Variants in DPP6 observed in about 807,000 individuals in gnomAD.
The protein encoded by DPP6 is A-type potassium channel modulatory protein DPP6.
DPP6 carries 69 observed loss-of-function variants against 122.6 expected under a neutral mutation model. The ratio of observed to expected loss-of-function variants is 0.56; its 90% CI spans 0.46 to 0.69. The LOEUF is 0.69. Among genes scored for constraint, DPP6 ranks in the 30% least tolerant of loss-of-function variants. DPP6 has a pLI of 0.00. For missense variants in DPP6, 928 were observed against 1,116.9 expected, an observed-to-expected ratio of 0.83 and a Z score of 2.41; for synonymous variants, 418 against 433.1, an observed-to-expected ratio of 0.97 and a Z score of 0.43.
rs1242476740 is a variant in DPP6 at position 154,241,312 on chromosome 7, T to C, written c.243+188249T>C. 6.6e-6 allele frequency among the ~76,000 whole-genome samples: 1 copy of C among 151,890 alleles called. No individual in the cohort carries two copies. Among genetic ancestry groups the C allele is most frequent in the Non-Finnish European group, 1.5e-5 (1 of 67,980 alleles). On this transcript the variant is annotated intron_variant, in intron 1 of 25. Coordinates refer to ENST00000377770, the MANE Select transcript of DPP6 (RefSeq NM_130797.4). The surrounding 1 kb of genome is among the most constrained non-coding windows in gnomAD (Gnocchi z 9.0). ...GTTTTCCATTAAAGTATGTTTTCCA[T>C]TAAAATGTACTAAATAGGAGAGTAC...
chr7:154,439,394 A>T (rs994011170), intron 1 of DPP6, among the ~76,000 whole-genome samples: 2 of 152,188 alleles, frequency 1.3e-5, no homozygotes, highest in African/African-American at 2.4e-5. Flanking sequence ...CTTGGGCCTG[A>T]TGTGTTGTGA....
chr7:153,831,203 A>G, the DPP6 span, among the ~76,000 whole-genome samples: 10 of 152,226 alleles, frequency 6.6e-5, no homozygotes, highest in African/African-American at 2.4e-4. Flanking sequence ...GGGGCCCAGC[A>G]CTGTGTAAGT....
intron 1 of DPP6, among the ~76,000 whole-genome samples, chr7:154,160,775 A>G (rs1796940438): frequency 1.3e-5 from 2 of 152,180 alleles, no homozygotes; most frequent in Non-Finnish European, 2.9e-5. Context: ...CTTAGCAGAG[A>G]GTTAGTTAAT....
At chr7:154,322,820 A>T (rs537365473) in intron 1 of DPP6, among the ~76,000 whole-genome samples, 2 of 152,348 alleles carry the variant, frequency 1.3e-5, no homozygotes, top group East Asian at 3.9e-4. Context: ...TTGAAACATA[A>T]AACATGCTCA....
chr7:154,581,775 G>A (rs568330609), intron 5 of DPP6, among the ~76,000 whole-genome samples: 102 of 152,330 alleles, frequency 6.7e-4, no homozygotes, highest in African/African-American at 2.3e-3. Context: ...GGAGTGGGAA[G>A]GTTGGCTTGT....
chr7:154,753,767 C>A (rs1037225285), intron 8 of DPP6, among the ~76,000 whole-genome samples: 4 of 152,144 alleles, frequency 2.6e-5, no homozygotes, highest in African/African-American at 9.7e-5. Context: ...TTTGCCCAGC[C>A]GCCTTCCGTC....
chr7:154,041,401 A>C (rs946646814), intron 1 of DPP6, among the ~76,000 whole-genome samples: 22 of 152,350 alleles, frequency 1.4e-4, no homozygotes, highest in South Asian at 4.1e-4. Flanking sequence ...TTAGGTACAT[A>C]AAAGAAGTTT....
intron 1 of DPP6, among the ~76,000 whole-genome samples, chr7:154,196,243 A>C (rs531696311): frequency 6.6e-6 from 1 of 152,304 alleles, no homozygotes; most frequent in Non-Finnish European, 1.5e-5. Context: ...TAATCCCAGC[A>C]CTTTGGGAGG....
At chr7:154,258,507 C>A (rs1802802316) in intron 1 of DPP6, among the ~76,000 whole-genome samples, 1 of 152,102 alleles carries the variant, frequency 6.6e-6, no homozygotes, top group Admixed American at 6.5e-5. Flanking sequence ...TGCATTTTAC[C>A]TATTAGTTCA....
the DPP6 span, among the ~76,000 whole-genome samples, chr7:153,868,123 G>A: frequency 6.6e-6 from 1 of 151,706 alleles, no homozygotes; most frequent in Non-Finnish European, 1.5e-5. Flanking sequence ...TTTTTTGGTT[G>A]TGTCTCTGCC....
intron 1 of DPP6, among the ~76,000 whole-genome samples, chr7:154,329,005 A>T (rs907503321): frequency 6.6e-6 from 1 of 152,200 alleles, no homozygotes; most frequent in African/African-American, 2.4e-5. Flanking sequence ...AGGGTTTTCC[A>T]TCTTTCTAAC....
rs951773425 is a variant in DPP6, at chr7:154,749,380, G to A, written c.884-20037G>A. On this transcript the variant is annotated intron_variant, in intron 8 of 25. Transcript: ENST00000377770. ...CTGAGAGAGGGTGAGAGCATAGGAC[G>A]AGAGAGAGAGGGATGGAGGCTTTAC... Among the ~76,000 whole-genome samples the A allele has an allele frequency of 9.3e-4, 48 of 51,702 alleles. 1 individual carries two copies. Among genetic ancestry groups the A allele is most frequent in the Admixed American group, 1.5e-3 (7 of 4,556 alleles). The allele number at this position is 51,702 out of a possible 152,430, so 33.9% of individuals were successfully genotyped here. A position where few individuals can be genotyped will look rare whatever the true frequency, so the allele number is the denominator to read the frequency against.
At chr7:154,550,317 T>G (rs193297106) in intron 4 of DPP6, among the ~76,000 whole-genome samples, 4,174 of 152,250 alleles carry the variant, frequency 0.027, 189 homozygotes, top group African/African-American at 0.093. Context: ...GATACAGCTT[T>G]TTTTCATTTA....
chr7:154,243,868 G>A (rs896410278), intron 1 of DPP6, among the ~76,000 whole-genome samples: 1 of 151,752 alleles, frequency 6.6e-6, no homozygotes, highest in Non-Finnish European at 1.5e-5. Context: ...TATTTGACCT[G>A]AAAAGCAGAG....
intron 16 of DPP6, among the ~76,000 whole-genome samples, chr7:154,825,078 C>T (rs1048319767): frequency 6.6e-6 from 1 of 152,180 alleles, no homozygotes; most frequent in East Asian, 1.9e-4. Context: ...AAATGAAACA[C>T]CTGCAGGCCA....
At chr7:153,906,094 C>T (rs191519046) in intron 1 of DPP6, among the ~76,000 whole-genome samples, 17 of 152,284 alleles carry the variant, frequency 1.1e-4, no homozygotes, top group South Asian at 2.1e-4. Flanking sequence ...ATGAAGAAAT[C>T]TGTTTCAAGA....
chr7:154,647,872 TAAAGAG>T, intron 6 of DPP6, among the ~76,000 whole-genome samples: 1 of 152,184 alleles, frequency 6.6e-6, no homozygotes, highest in African/African-American at 2.4e-5. Context: ...TTACAGATGT[TAAAGAG>T]AAAGGCCCAT....
intron 1 of DPP6, among the ~76,000 whole-genome samples, chr7:154,430,396 G>A (rs1450575311): frequency 6.6e-6 from 1 of 152,170 alleles, no homozygotes; most frequent in Non-Finnish European, 1.5e-5. Flanking sequence ...TGGAGGCTGG[G>A]GAATCTGAAG....
At chr7:154,397,231 C>A (rs1027346231) in intron 1 of DPP6, among the ~76,000 whole-genome samples, 1 of 150,696 alleles carries the variant, frequency 6.6e-6, no homozygotes, top group African/African-American at 2.4e-5. Context: ...TGTTTTTTTT[C>A]ATGAGCATTA....
Sources: gnomAD v4.1 joint callset for allele counts (sites outside exome capture counted in the v4.1 genomes callset) on GRCh38, gnomAD v4.1.1 for gene constraint, Gnocchi (gnomAD v3.1) non-coding constraint, MANE v1.5 for transcripts, NCBI Gene and HGNC (gene_info 2026-07-23, HGNC 2026-07-21) for gene names.